The following TSPAN14 variants were observed in gnomAD, a reference collection of about 807,000 sequenced individuals.
The protein encoded by TSPAN14 is tetraspanin 14.
TSPAN14 carries 16 observed loss-of-function variants against 36.6 expected under a neutral mutation model. The ratio of observed to expected loss-of-function variants is 0.44; its 90% CI spans 0.30 to 0.66. TSPAN14 has a LOEUF of 0.66. Among genes scored for constraint, TSPAN14 ranks in the 30% least tolerant of loss-of-function variants. The pLI is 0.12. For missense variants in TSPAN14, 231 were observed against 355.1 expected (o/e 0.65, Z 2.81); for synonymous variants, 139 against 143.8 (o/e 0.97, Z 0.24).
intron 6 of TSPAN14, 152 bp downstream of exon 6, chr10:80,512,421 T>C: frequency 1.7e-6 from 2 of 1,192,260 alleles, no homozygotes; most frequent in Admixed American, 5.5e-5. Context: ...CTGCCTCAGC[T>C]CTGAAATCCG....
chr10:80,508,894 G>A (rs962508144), intron 4 of TSPAN14, among the ~76,000 whole-genome samples: 3 of 152,070 alleles, frequency 2.0e-5, no homozygotes, highest in African/African-American at 7.2e-5. Flanking sequence ...TAAAGGAGCC[G>A]ACACCCCAGG....
intron 5 of TSPAN14, among the ~76,000 whole-genome samples, chr10:80,511,103 C>T (rs1840594606): frequency 1.3e-5 from 2 of 152,182 alleles, no homozygotes; most frequent in Non-Finnish European, 1.5e-5. Context: ...ACCATGTCAG[C>T]TGTAAGGGCA....
At chr10:80,461,111 G>T (rs1845941994) in intron 1 of TSPAN14, among the ~76,000 whole-genome samples, 1 of 152,098 alleles carries the variant, frequency 6.6e-6, no homozygotes, top group African/African-American at 2.4e-5. Context: ...CTCCATGAGT[G>T]AGGCTCCTCC....
At chr10:80,479,866 C>G (rs370135672) in intron 1 of TSPAN14, among the ~76,000 whole-genome samples, 1 of 150,152 alleles carries the variant, frequency 6.7e-6, no homozygotes, top group Non-Finnish European at 1.5e-5. Context: ...GGCATTGAAT[C>G]TATAAATTAC....
At chr10:80,500,450 C>G (rs551968392) in intron 2 of TSPAN14, among the ~76,000 whole-genome samples, 8 of 150,502 alleles carry the variant, frequency 5.3e-5, no homozygotes, top group Non-Finnish European at 1.2e-4. Context: ...TTGCCTCAGC[C>G]TCCTGAGTAG....
intron 2 of TSPAN14, among the ~76,000 whole-genome samples, chr10:80,498,675 T>C (rs1304864775): frequency 6.6e-6 from 1 of 152,196 alleles, no homozygotes; most frequent in African/African-American, 2.4e-5. Flanking sequence ...GGCATATCCT[T>C]GAACGCCCCT....
chr10:80,508,424 A>G (rs1045891399), intron 4 of TSPAN14, among the ~76,000 whole-genome samples: 3 of 152,012 alleles, frequency 2.0e-5, no homozygotes, highest in Non-Finnish European at 4.4e-5. Context: ...GGCCGTGTGT[A>G]TGCTTTTTCT....
intron 1 of TSPAN14, among the ~76,000 whole-genome samples, chr10:80,468,113 C>T (rs893109816): frequency 6.6e-6 from 1 of 152,150 alleles, no homozygotes. Context: ...TTCCTGGTGA[C>T]CTTTCAGGCT....
chr10:80,506,577 A>G (rs1223571671), intron 3 of TSPAN14, among the ~76,000 whole-genome samples: 1 of 152,238 alleles, frequency 6.6e-6, no homozygotes, highest in Non-Finnish European at 1.5e-5. Flanking sequence ...GCGTTTTACA[A>G]ACCCTATGGA....
chr10:80,516,223 A>G, exon 8 of TSPAN14: 1 of 1,614,218 alleles, frequency 6.2e-7, no homozygotes, highest in Non-Finnish European at 8.5e-7. Context: ...AAGTGGGATG[A>G]GTCCATCTTC....
chr10:80,508,755 G>A (rs1045838497), intron 4 of TSPAN14, among the ~76,000 whole-genome samples: 1 of 152,200 alleles, frequency 6.6e-6, no homozygotes, highest in Non-Finnish European at 1.5e-5. Flanking sequence ...CCTCAGGCAA[G>A]CTATGTACCT....
At chr10:80,475,589 T>A (rs1846823130) in intron 1 of TSPAN14, among the ~76,000 whole-genome samples, 1 of 152,008 alleles carries the variant, frequency 6.6e-6, no homozygotes, top group East Asian at 1.9e-4. Context: ...CCTTTCCCCA[T>A]CCTTTTTTTT....
chr10:80,484,926 C>T (rs966892676), intron 1 of TSPAN14, among the ~76,000 whole-genome samples: 1 of 152,124 alleles, frequency 6.6e-6, no homozygotes, highest in African/African-American at 2.4e-5. Context: ...ATTTAACTCC[C>T]CTCAAGTTGC....
intron 1 of TSPAN14, among the ~76,000 whole-genome samples, chr10:80,481,322 A>G (rs1054140180): frequency 6.6e-6 from 1 of 152,220 alleles, no homozygotes; most frequent in Non-Finnish European, 1.5e-5. Flanking sequence ...TAGAAATAAA[A>G]CATCAGATGT....
chr10:80,511,772 C>CT (rs1840664505), intron 5 of TSPAN14, among the ~76,000 whole-genome samples: 1 of 123,880 alleles, frequency 8.1e-6, no homozygotes, highest in Non-Finnish European at 1.7e-5. Context: ...CTCTCTCTCT[C>CT]CCCTTTTTTC....
chr10:80,520,686 C>G, exon 9 of TSPAN14: 1 of 533,496 alleles, frequency 1.9e-6, no homozygotes, highest in Non-Finnish European at 3.8e-6. Context: ...TGCCGAGGCC[C>G]TATGGCTCCC....
intron 4 of TSPAN14, among the ~76,000 whole-genome samples, chr10:80,508,491 A>G (rs1840433078): frequency 6.6e-6 from 1 of 152,118 alleles, no homozygotes; most frequent in Non-Finnish European, 1.5e-5. Context: ...AGTGTCTTAT[A>G]TGGCCAGTGA....
chr10:80,511,688 T>C (rs922085576), intron 5 of TSPAN14, among the ~76,000 whole-genome samples: 1 of 149,176 alleles, frequency 6.7e-6, no homozygotes, highest in Non-Finnish European at 1.5e-5. Context: ...TATTATTTTC[T>C]TTAACACATC....
chr10:80,479,968 T>C (rs1220551562), intron 1 of TSPAN14, among the ~76,000 whole-genome samples: 1 of 141,636 alleles, frequency 7.1e-6, no homozygotes, highest in East Asian at 2.0e-4. Flanking sequence ...TTTTATTTCA[T>C]TGAGCAGTGG....
Sources: allele counts gnomAD v4.1 joint callset (sites outside exome capture counted in the v4.1 genomes callset), GRCh38; gene constraint gnomAD v4.1.1; transcripts MANE v1.5; gene names NCBI Gene and HGNC (gene_info 2026-07-23, HGNC 2026-07-21).